The following OVCH1 variants were observed in gnomAD, a reference collection of about 807,000 sequenced individuals.
OVCH1 encodes ovochymase 1.
In OVCH1, 139 loss-of-function variants were observed where a neutral mutation model predicts 138.4. That is an observed-to-expected ratio of 1.00 (90% CI 0.87 to 1.16). The LOEUF (loss-of-function observed/expected upper bound fraction) is 1.16, where lower values mean the gene tolerates loss of function less well. OVCH1 is among the 50% of genes most tolerant of loss of function. OVCH1 has a pLI of 0.00. For missense variants in OVCH1, 1,367 were observed against 1,357.9 expected, an observed-to-expected ratio of 1.01 and a Z score of -0.11; for synonymous variants, 453 against 467.8, an observed-to-expected ratio of 0.97 and a Z score of 0.41.
At chr12:29,463,806 A>T (rs953583299) in intron 18 of OVCH1, among the ~76,000 whole-genome samples, 2 of 152,186 alleles carry the variant, frequency 1.3e-5, no homozygotes, top group Non-Finnish European at 2.9e-5. Context: ...TAAGCAGTCA[A>T]ATATAAATTC....
chr12:29,445,347 C>CCAG, exon 23 of OVCH1: 5 of 1,611,450 alleles, frequency 3.1e-6, no homozygotes, highest in African/African-American at 1.3e-5. Context: ...GTCACCCTCA[C>CCAG]CAGCGGTCCA....
At chr12:29,433,046 T>A (rs577781070) in intron 27 of OVCH1, among the ~76,000 whole-genome samples, 1 of 152,092 alleles carries the variant, frequency 6.6e-6, no homozygotes, top group South Asian at 2.1e-4. Context: ...TTCCATGGAG[T>A]CTTGCTAAAA....
intron 8 of OVCH1, among the ~76,000 whole-genome samples, chr12:29,485,549 C>T (rs181495251): frequency 2.0e-5 from 3 of 151,542 alleles, no homozygotes; most frequent in African/African-American, 7.3e-5. Context: ...CCGAGGCGGG[C>T]GGATTACGAG....
chr12:29,491,682 T>C (rs542027534), intron 4 of OVCH1, among the ~76,000 whole-genome samples: 174 of 152,326 alleles, frequency 1.1e-3, no homozygotes, highest in African/African-American at 3.8e-3. Flanking sequence ...CTGATCACAA[T>C]TGATATCCAA....
intron 27 of OVCH1, among the ~76,000 whole-genome samples, chr12:29,433,220 T>C (rs1056022693): frequency 1.3e-5 from 2 of 152,206 alleles, no homozygotes; most frequent in Admixed American, 6.5e-5. Flanking sequence ...GTAGCTTCCA[T>C]AATCCTCATG....
At chr12:29,454,991 T>C in intron 20 of OVCH1, 58 bp from the exon 21 acceptor site, 1 of 1,417,928 alleles carries the variant, frequency 7.1e-7, no homozygotes. Context: ...CAAAATATAG[T>C]GGGCACTAAA....
chr12:29,435,617 G>A (rs989718115), intron 26 of OVCH1, among the ~76,000 whole-genome samples: 2 of 152,128 alleles, frequency 1.3e-5, no homozygotes, highest in Non-Finnish European at 2.9e-5. Flanking sequence ...GCCTCCCAAA[G>A]TGCTGGGATT....
intron 27 of OVCH1, among the ~76,000 whole-genome samples, chr12:29,429,388 A>G (rs79957326): frequency 6.6e-6 from 1 of 152,228 alleles, no homozygotes; most frequent in African/African-American, 2.4e-5. Context: ...ACTGTGCTCA[A>G]TAATGCTATA....
intron 22 of OVCH1, 114 bp from the exon 23 acceptor site, chr12:29,445,517 G>T (rs1565575316): frequency 4.7e-6 from 5 of 1,063,014 alleles, no homozygotes; most frequent in East Asian, 2.6e-5. Context: ...ATTCCATTCT[G>T]TAAAATGATG....
chr12:29,479,887 A>T (rs545808662), intron 8 of OVCH1, among the ~76,000 whole-genome samples: 3 of 145,234 alleles, frequency 2.1e-5, no homozygotes, highest in Admixed American at 7.3e-5. Flanking sequence ...GCAGTGGCGC[A>T]ATCTCAGCTC....
intron 3 of OVCH1, among the ~76,000 whole-genome samples, chr12:29,413,142 G>A (rs370633765): frequency 1.3e-5 from 2 of 151,764 alleles, no homozygotes; most frequent in African/African-American, 4.8e-5. Context: ...GATTATAGGT[G>A]TGAGCCCTGC....
At position 29,489,616 on chromosome 12, in the gene OVCH1, G is replaced by A. The variant is rs79158548; in HGVS notation, c.702+4C>T. 2 of 1,602,024 alleles carry A rather than the reference G, an allele frequency of 1.2e-6. No homozygotes were observed. Among genetic ancestry groups the A allele is most frequent in the Non-Finnish European group, 1.7e-6 (2 of 1,173,950 alleles). ...AACAGCTAGGCTGGTTTACACTTTT[G>A]TACCTGGCAGGCGTCCATTCCCCAA... On this transcript the variant is annotated splice_donor_region_variant and intron_variant, in intron 6 of 27. Transcript: ENST00000318184.
chr12:29,405,139 C>T, the OVCH1 span, among the ~76,000 whole-genome samples: 1 of 149,166 alleles, frequency 6.7e-6, no homozygotes, highest in African/African-American at 2.5e-5. Context: ...TGACTAATTC[C>T]TTTTGAGAAC....
At chr12:29,476,978 A>G (rs1942757673) in intron 12 of OVCH1, 124 bp downstream of exon 12, 1 of 1,190,132 alleles carries the variant, frequency 8.4e-7, no homozygotes, top group African/African-American at 1.5e-5. Context: ...AGTAAAAAAA[A>G]ATGGCAAATG....
At chr12:29,492,736 G>A (rs574330761) in intron 4 of OVCH1, among the ~76,000 whole-genome samples, 4 of 152,204 alleles carry the variant, frequency 2.6e-5, no homozygotes, top group African/African-American at 9.6e-5. Flanking sequence ...TATTGATCCT[G>A]GATGAGGTCA....
At chr12:29,454,954 TTAAAAA>T in intron 20 of OVCH1, 21 bp from the exon 21 acceptor site, 1 of 1,572,466 alleles carries the variant, frequency 6.4e-7, no homozygotes. Context: ...GGAGAACATG[TTAAAAA>T]TAAAGATGAA....
chr12:29,454,965 G>T, intron 20 of OVCH1, 32 bp from the exon 21 acceptor site: 1 of 1,542,340 alleles, frequency 6.5e-7, no homozygotes, highest in Non-Finnish European at 8.9e-7. Flanking sequence ...TAAAAATAAA[G>T]ATGAAAGCCT....
At chr12:29,451,356 C>G (rs1344793921) in exon 22 of OVCH1, 1 of 1,612,240 alleles carries the variant, frequency 6.2e-7, no homozygotes, top group East Asian at 2.2e-5. Context: ...TGCCGTCTTT[C>G]TCTTACTGTG....
At chr12:29,470,561 TG>T (rs2136003422) in intron 16 of OVCH1, among the ~76,000 whole-genome samples, 1 of 152,350 alleles carries the variant, frequency 6.6e-6, no homozygotes, top group Admixed American at 6.5e-5. Context: ...TTCTTTTTTA[TG>T]ATTGCATAGT....
Sources: gnomAD v4.1 joint callset for allele counts (sites outside exome capture counted in the v4.1 genomes callset) on GRCh38, gnomAD v4.1.1 for gene constraint, MANE v1.5 for transcripts, NCBI Gene and HGNC (gene_info 2026-07-23, HGNC 2026-07-21) for gene names.